Variants in NRG3 observed in about 807,000 individuals in gnomAD.
NRG3 encodes the protein pro-neuregulin-3, membrane-bound isoform.
In NRG3, 31 loss-of-function variants were observed where a neutral mutation model predicts 66.9. The observed-to-expected ratio is 0.46, with a 90% confidence interval of 0.35 to 0.63. The LOEUF is 0.63. NRG3 is among the 20% of genes least tolerant of loss of function. The probability of loss-of-function intolerance (pLI) is 0.00; values close to 1 mark genes in which losing one functional copy is unlikely to be tolerated. For missense variants in NRG3, 910 were observed against 878.9 expected (o/e 1.04, Z -0.45); for synonymous variants, 393 against 359.4 (o/e 1.09, Z -1.06).
chr10:81,909,904 T>C (rs1016034825), intron 1 of NRG3, among the ~76,000 whole-genome samples: 2 of 152,210 alleles, frequency 1.3e-5, no homozygotes, highest in African/African-American at 2.4e-5. Flanking sequence ...TTATTTCTTA[T>C]AAGAAATTTT....
chr10:82,144,451 A>G (rs1409781363), intron 1 of NRG3, among the ~76,000 whole-genome samples: 2 of 152,212 alleles, frequency 1.3e-5, no homozygotes, highest in East Asian at 3.9e-4. Flanking sequence ...ACACCTGGCC[A>G]TCTTCCATTC....
chr10:82,779,000 G>A (rs2060015162), intron 3 of NRG3, among the ~76,000 whole-genome samples: 3 of 152,120 alleles, frequency 2.0e-5, no homozygotes, highest in Admixed American at 1.3e-4. Context: ...AGAATGTGGT[G>A]TAATGGTAGT....
intron 1 of NRG3, among the ~76,000 whole-genome samples, chr10:81,895,638 C>T (rs567331633): frequency 2.6e-5 from 4 of 151,974 alleles, no homozygotes; most frequent in Non-Finnish European, 5.9e-5. Context: ...TGTGTGTGTC[C>T]ACGTGTGCAT....
chr10:82,880,680 G>C (rs1842224219), intron 4 of NRG3, among the ~76,000 whole-genome samples: 1 of 152,184 alleles, frequency 6.6e-6, no homozygotes, highest in South Asian at 2.1e-4. Context: ...CTCAGCTGTA[G>C]AAGGTATATC....
At chr10:82,218,893 A>G (rs2075809803) in intron 1 of NRG3, among the ~76,000 whole-genome samples, 1 of 152,138 alleles carries the variant, frequency 6.6e-6, no homozygotes, top group East Asian at 1.9e-4. Context: ...GATTGCATCT[A>G]GGGAAGTCAA....
intron 2 of NRG3, among the ~76,000 whole-genome samples, chr10:82,667,060 G>A (rs1217536127): frequency 1.3e-5 from 2 of 152,256 alleles, no homozygotes; most frequent in East Asian, 3.9e-4. Context: ...TTCTGACTGG[G>A]GTCCACAGCA....
At chr10:82,723,133 A>G (rs370418696) in intron 2 of NRG3, among the ~76,000 whole-genome samples, 2 of 152,216 alleles carry the variant, frequency 1.3e-5, no homozygotes, top group Non-Finnish European at 1.5e-5. Flanking sequence ...GGAATACTAC[A>G]CAGCCATAAA....
chr10:82,532,041 G>A (rs959343859), intron 2 of NRG3, among the ~76,000 whole-genome samples: 1 of 151,714 alleles, frequency 6.6e-6, no homozygotes, highest in Non-Finnish European at 1.5e-5. Flanking sequence ...TATTTAAGGA[G>A]TATATGTGAT....
intron 1 of NRG3, among the ~76,000 whole-genome samples, chr10:82,154,245 TGTGTATG>T (rs2071013205): frequency 6.6e-6 from 1 of 152,072 alleles, no homozygotes; most frequent in Non-Finnish European, 1.5e-5. Context: ...AGTTGATTTT[TGTGTATG>T]GTATAAGACA....
chr10:82,732,532 T>A (rs1356789944), intron 2 of NRG3, among the ~76,000 whole-genome samples: 2 of 152,214 alleles, frequency 1.3e-5, no homozygotes, highest in Non-Finnish European at 2.9e-5. Context: ...AAGTACTTAC[T>A]GGCTGTGTGG....
At chr10:82,939,217 C>A (rs963045199) in intron 4 of NRG3, among the ~76,000 whole-genome samples, 5 of 151,908 alleles carry the variant, frequency 3.3e-5, no homozygotes, top group African/African-American at 1.2e-4. Context: ...AGGAGATAAG[C>A]GGTTATTACA....
In NRG3 at chr10:82,569,449, G is replaced by A. The variant is rs2045601723; in HGVS notation, c.954-169128G>A. Among the ~76,000 whole-genome samples the A allele has an allele frequency of 2.0e-5, 3 of 151,676 alleles. No homozygotes were observed. The South Asian group carries it at 6.2e-4, about 31-fold the overall frequency. On this transcript the variant is annotated intron_variant, in intron 2 of 8. Transcript: ENST00000372141. Reference sequence around the variant, plus strand: ...CTTCTGTCTTACAATATTGTTGGGAGAACCAGGTCAGATATGAGATCATAG... The same window carrying A: ...CTTCTGTCTTACAATATTGTTGGGAAAACCAGGTCAGATATGAGATCATAG...
intron 3 of NRG3, among the ~76,000 whole-genome samples, chr10:82,829,718 C>T (rs928896310): frequency 5.9e-5 from 9 of 152,098 alleles, no homozygotes; most frequent in Non-Finnish European, 1.3e-4. Flanking sequence ...AGATGAATAT[C>T]GCCAGGTCAT....
intron 2 of NRG3, among the ~76,000 whole-genome samples, chr10:82,421,888 C>A (rs1181154543): frequency 6.6e-6 from 1 of 152,056 alleles, no homozygotes; most frequent in Non-Finnish European, 1.5e-5. Flanking sequence ...GCCTTGAAAA[C>A]AGTCCCTTCT....
At chr10:82,370,307 T>G (rs1277968221) in intron 2 of NRG3, among the ~76,000 whole-genome samples, 1 of 137,512 alleles carries the variant, frequency 7.3e-6, no homozygotes, top group Non-Finnish European at 1.5e-5. Context: ...GAAGGTGATA[T>G]TCCCCTGGAG....
intron 1 of NRG3, among the ~76,000 whole-genome samples, chr10:82,070,121 T>C (rs1478468456): frequency 1.3e-5 from 2 of 152,300 alleles, no homozygotes; most frequent in East Asian, 3.9e-4. Context: ...TTATCTGAAG[T>C]CCAACTTAAA....
At chr10:82,348,713 C>T (rs1291028773) in intron 1 of NRG3, among the ~76,000 whole-genome samples, 8 of 150,924 alleles carry the variant, frequency 5.3e-5, no homozygotes, top group African/African-American at 9.7e-5. Context: ...ACCAATCAGA[C>T]GTAGATTTGG....
intron 1 of NRG3, among the ~76,000 whole-genome samples, chr10:81,917,959 A>G (rs1472639539): frequency 2.0e-5 from 3 of 152,148 alleles, no homozygotes; most frequent in East Asian, 1.9e-4. Context: ...AGTTTAATAC[A>G]ATGGAATACC....
intron 1 of NRG3, among the ~76,000 whole-genome samples, chr10:82,256,933 C>T (rs1342019713): frequency 1.3e-5 from 2 of 152,096 alleles, no homozygotes; most frequent in Non-Finnish European, 2.9e-5. Context: ...CAAATGATGG[C>T]CAGATAAATC....
Sources: allele counts gnomAD v4.1 joint callset (sites outside exome capture counted in the v4.1 genomes callset), GRCh38; gene constraint gnomAD v4.1.1; transcripts MANE v1.5; gene names NCBI Gene and HGNC (gene_info 2026-07-23, HGNC 2026-07-21).